The following AKAP6 variants were observed in gnomAD, a reference collection of about 807,000 sequenced individuals.
AKAP6 encodes A-kinase anchoring protein 6, also known as A-kinase anchor protein 6.
Under a neutral mutation model 188.5 loss-of-function variants are expected in AKAP6, and 58 were observed. That is an observed-to-expected ratio of 0.31 (90% CI 0.25 to 0.38). The LOEUF (loss-of-function observed/expected upper bound fraction) is 0.38, where lower values mean the gene tolerates loss of function less well. Ranked by LOEUF, AKAP6 falls within the 10% of genes least tolerant of loss-of-function variation. AKAP6 has a pLI of 1.00. For synonymous variants in AKAP6, 989 were observed against 998.6 expected, an observed-to-expected ratio of 0.99 and a Z score of 0.18; for missense variants, 2,710 against 2,740.0, an observed-to-expected ratio of 0.99 and a Z score of 0.24.
Position 32,823,691 on chromosome 14 carries a change from C to T in AKAP6, c.5878C>T (p.Leu1960Phe). ...KEFVSQDVRHLPKKCPNHHHF... is the reference protein window; with the variant it reads ...KEFVSQDVRHFPKKCPNHHHF... The stretch of plus-strand genomic sequence containing the variant: ...ATTTGTTTCCCAAGATGTTAGACAT[C>T]TTCCAAAGAAATGTCCAAATCACCA... The change falls in exon 13 of 14, where the codon CTT (leucine) becomes TTT (phenylalanine). Residue 1960 changes from leucine to phenylalanine, a missense_variant. Leu to Phe is a conservative substitution (Grantham distance 22). This residue lies in a region of AKAP6 where 2,473 missense variants were observed against 2,426.1 expected (regional missense o/e 1.02). Coordinates refer to ENST00000280979, the MANE Select transcript of AKAP6 (RefSeq NM_004274.5). The T allele has an allele frequency of 6.2e-7, 1 of 1,613,808 alleles. No homozygotes were observed. The highest frequency in any genetic ancestry group is 8.5e-7 in the Non-Finnish European group (1 of 1,179,892).
At chr14:32,705,333 TAGAA>T (rs1890769712) in intron 9 of AKAP6, among the ~76,000 whole-genome samples, 1 of 152,002 alleles carries the variant, frequency 6.6e-6, no homozygotes, top group African/African-American at 2.4e-5. Context: ...CTAGCTAAAA[TAGAA>T]AGGCATTGGG....
chr14:32,694,326 A>G (rs1890306083), intron 8 of AKAP6, among the ~76,000 whole-genome samples: 2 of 150,694 alleles, frequency 1.3e-5, no homozygotes, highest in South Asian at 2.1e-4. Flanking sequence ...GTGCCACTGC[A>G]CTTCAGCCTG....
rs1046140533 is a variant in AKAP6, at chr14:32,545,497, A to C, written c.844A>C (p.Ile282Leu). ...VGLLTVAADS[I>L]STNGSEAVTE... ...TTTACTTACGGTAGCTGCTGACTCT[A>C]TCTCTACCAATGGCAGTGAAGCAGT... The change falls in exon 4 of 14, where the codon ATC (isoleucine) becomes CTC (leucine). Residue 282 changes from isoleucine to leucine, a missense_variant. By Grantham distance (5) the Ile-to-Leu change is conservative (BLOSUM62 2). Around this residue, in one of 2 missense-constraint regions of AKAP6, gnomAD observed 2,473 missense variants for 2,426.1 expected, o/e 1.02. Coordinates refer to ENST00000280979, the MANE Select transcript of AKAP6 (RefSeq NM_004274.5). 1 of 1,614,202 alleles carries C rather than the reference A, an allele frequency of 6.2e-7. No individual in the cohort carries two copies. Among genetic ancestry groups the C allele is most frequent in the South Asian group, 1.1e-5 (1 of 91,084 alleles).
chr14:32,543,168 G>A (rs1360712513), intron 3 of AKAP6, among the ~76,000 whole-genome samples: 2 of 152,084 alleles, frequency 1.3e-5, no homozygotes, highest in Admixed American at 6.6e-5. Context: ...CTGTAATTTT[G>A]TATCCATTAA....
intron 9 of AKAP6, among the ~76,000 whole-genome samples, chr14:32,727,562 T>C (rs985641753): frequency 6.6e-6 from 1 of 152,212 alleles, no homozygotes; most frequent in Admixed American, 6.5e-5. Flanking sequence ...TAACAGTACA[T>C]GGCCAGTGTA....
At chr14:32,615,006 T>C (rs1174160255) in intron 7 of AKAP6, among the ~76,000 whole-genome samples, 2 of 150,950 alleles carry the variant, frequency 1.3e-5, no homozygotes, top group East Asian at 3.9e-4. Context: ...CCGTCTCTAC[T>C]AAAAATACAA....
At chr14:32,521,110 GA>G (rs1881806154) in intron 2 of AKAP6, among the ~76,000 whole-genome samples, 1 of 152,124 alleles carries the variant, frequency 6.6e-6, no homozygotes, top group South Asian at 2.1e-4. Context: ...AATAGATGCA[GA>G]AAAGGCCTTT....
At chr14:32,780,021 C>T (rs1297740621) in intron 12 of AKAP6, among the ~76,000 whole-genome samples, 1 of 151,426 alleles carries the variant, frequency 6.6e-6, no homozygotes, top group Admixed American at 6.6e-5. Context: ...AGGTCTATAC[C>T]CAAAGGAAAT....
intron 1 of AKAP6, among the ~76,000 whole-genome samples, chr14:32,396,851 G>A (rs1888894997): frequency 6.6e-6 from 1 of 152,130 alleles, no homozygotes; most frequent in African/African-American, 2.4e-5. Flanking sequence ...CCAGTTACAT[G>A]AGTCAATAAA....
In AKAP6 at chr14:32,823,833, A is replaced by T. The variant is rs766944641; in HGVS notation, c.6020A>T (p.Asp2007Val). The change falls in exon 13 of 14, where the codon GAT becomes GTT. Residue 2007 changes from aspartate (D) to valine (V), a missense_variant. Physicochemically the swap from Asp to Val is radical, Grantham distance 152. Around this residue, in one of 2 missense-constraint regions of AKAP6, gnomAD observed 2,473 missense variants for 2,426.1 expected, o/e 1.02. Transcript: ENST00000280979. ...QDSDALKSSD[D>V]APSMAGKSAG... ...TCTGATGCACTGAAATCATCTGATG[A>T]TGCACCGAGTATGGCTGGAAAATCT... 2 of 1,613,592 alleles carry T rather than the reference A, an allele frequency of 1.2e-6. No individual in the cohort carries two copies. The highest frequency in any genetic ancestry group is 1.7e-6 in the Non-Finnish European group (2 of 1,179,900).
chr14:32,638,030 A>G (rs1442530530), intron 7 of AKAP6, among the ~76,000 whole-genome samples: 1 of 152,114 alleles, frequency 6.6e-6, no homozygotes, highest in African/African-American at 2.4e-5. Context: ...TTCAAAGGAC[A>G]TATTTTTAAA....
chr14:32,510,126 A>G (rs1881101524), intron 2 of AKAP6, among the ~76,000 whole-genome samples: 1 of 151,870 alleles, frequency 6.6e-6, no homozygotes, highest in Admixed American at 6.6e-5. Context: ...ACCAGATTCC[A>G]GGGCTCTTAC....
In AKAP6 at chr14:32,451,506, C is replaced by T. The variant is rs7152039; in HGVS notation, c.324+17689C>T. On this transcript the variant is annotated intron_variant, in intron 2 of 13. Transcript: ENST00000280979. ...GCATAGTTATGCCAAAGTACAGAAA[C>T]TATGTGTATAAAATGTGCACTTGGG... Among the ~76,000 whole-genome samples the T allele has an allele frequency of 5.9e-3, 898 of 152,250 alleles. 10 individuals are homozygous for T. The highest frequency in any genetic ancestry group is 0.021 in the African/African-American group (864 of 41,546).
At chr14:32,510,443 TATATATAC>T (rs369357083) in intron 2 of AKAP6, among the ~76,000 whole-genome samples, 32,145 of 76,032 alleles carry the variant, frequency 0.42, 4,807 homozygotes, top group Admixed American at 0.45. Context: ...TATGTGTATA[TATATATAC>T]ATATATATGT....
chr14:32,417,951 C>G (rs1889716366), intron 1 of AKAP6: 2 of 152,008 alleles, frequency 1.3e-5, no homozygotes, highest in Non-Finnish European at 2.9e-5. Flanking sequence ...GTCAGAGGAC[C>G]TCGAGTATCC....
intron 12 of AKAP6, among the ~76,000 whole-genome samples, chr14:32,779,868 T>A (rs148968056): frequency 6.6e-6 from 1 of 152,242 alleles, no homozygotes; most frequent in Non-Finnish European, 1.5e-5. Flanking sequence ...GAATAACAAT[T>A]GTTGGTGAGG....
chr14:32,736,741 A>G (rs890694435), intron 11 of AKAP6, among the ~76,000 whole-genome samples: 1 of 152,136 alleles, frequency 6.6e-6, no homozygotes, highest in Non-Finnish European at 1.5e-5. Flanking sequence ...GCATCGTAGG[A>G]CCAGGTTTTA....
chr14:32,807,413 A>G (rs1255638642), intron 12 of AKAP6, among the ~76,000 whole-genome samples: 1 of 152,166 alleles, frequency 6.6e-6, no homozygotes, highest in Non-Finnish European at 1.5e-5. Flanking sequence ...TAGAAGAGAA[A>G]ATATCCACTG....
At chr14:32,398,938 G>A (rs532700587) in intron 1 of AKAP6, among the ~76,000 whole-genome samples, 2 of 138,290 alleles carry the variant, frequency 1.4e-5, no homozygotes, top group African/African-American at 5.5e-5. Context: ...TGCAACCTCC[G>A]CCTCCTGGGT....
Sources: gnomAD v4.1 joint callset for allele counts (sites outside exome capture counted in the v4.1 genomes callset) on GRCh38, gnomAD v4.1.1 for gene constraint, gnomAD v4.1.1 regional missense constraint, MANE v1.5 for transcripts, NCBI Gene and HGNC (gene_info 2026-07-23, HGNC 2026-07-21) for gene names.